The following XPR1 variants were observed in gnomAD, a reference collection of about 807,000 sequenced individuals.
The protein encoded by XPR1 is solute carrier family 53 member 1.
Under a neutral mutation model 87.5 loss-of-function variants are expected in XPR1, and 28 were observed. The ratio of observed to expected loss-of-function variants is 0.32; its 90% CI spans 0.24 to 0.44. The LOEUF (loss-of-function observed/expected upper bound fraction) is 0.44. Ranked by LOEUF, XPR1 falls within the 20% of genes least tolerant of loss-of-function variation. The probability of loss-of-function intolerance (pLI) is 1.00; values close to 1 mark genes in which losing one functional copy is unlikely to be tolerated. For missense variants in XPR1, 559 were observed against 862.3 expected (o/e 0.65, Z 4.41); for synonymous variants, 300 against 306.1 (o/e 0.98, Z 0.21).
At chr1:180,801,305 G>A (rs935593701) in intron 3 of XPR1, among the ~76,000 whole-genome samples, 1 of 152,212 alleles carries the variant, frequency 6.6e-6, no homozygotes, top group Non-Finnish European at 1.5e-5. Flanking sequence ...AATGAAGGGA[G>A]TATTTTCTGG....
chr1:180,850,105 T>G (rs987924383), intron 11 of XPR1, among the ~76,000 whole-genome samples: 2 of 152,230 alleles, frequency 1.3e-5, no homozygotes, highest in Admixed American at 6.5e-5. Context: ...GTACTGACTT[T>G]GATTTTTTGG....
At chr1:180,745,496 A>G (rs1262881777) in intron 2 of XPR1, among the ~76,000 whole-genome samples, 1 of 152,186 alleles carries the variant, frequency 6.6e-6, no homozygotes, top group Non-Finnish European at 1.5e-5. Flanking sequence ...TCAGTGTTTT[A>G]GGCTCTTCCA....
At chr1:180,659,071 TCTTC>T (rs1195804590) in intron 1 of XPR1, among the ~76,000 whole-genome samples, 47 of 151,662 alleles carry the variant, frequency 3.1e-4, no homozygotes, top group South Asian at 8.3e-4. Flanking sequence ...CTGTAGCCAG[TCTTC>T]CTTCCTTCCT....
chr1:180,675,195 C>T (rs1431737365), intron 1 of XPR1, among the ~76,000 whole-genome samples: 1 of 152,136 alleles, frequency 6.6e-6, no homozygotes, highest in Non-Finnish European at 1.5e-5. Flanking sequence ...AGTCTGTGGT[C>T]TGTGTCTTTC....
Position 180,686,719 on chromosome 1 carries a change from C to T in XPR1, c.121+4308C>T, listed in dbSNP as rs551748185. 2.4e-4 allele frequency among the ~76,000 whole-genome samples: 36 copies of T among 152,114 alleles called. No homozygotes were observed. In the East Asian group the frequency reaches 4.6e-3, roughly 20 times the overall value. On this transcript the variant is annotated intron_variant, in intron 2 of 14. Transcript: ENST00000367590. ...ACAGAATAATACCTTTATAAGACACCAAATTCTATGAAGTTATTCTAGTGA... is the reference window on the plus strand; with the variant it reads ...ACAGAATAATACCTTTATAAGACACTAAATTCTATGAAGTTATTCTAGTGA...
Position 180,889,935 on chromosome 1 carries a change from T to A in XPR1, c.*5869T>A, listed in dbSNP as rs1445469814. The A allele has an allele frequency of 1.3e-5, 2 of 152,150 alleles. No homozygotes were observed. The highest frequency in any genetic ancestry group is 2.9e-5 in the Non-Finnish European group (2 of 68,036). 9.4% of individuals were successfully genotyped at this position (152,150 alleles called of 1,614,324 possible). On this transcript the variant is annotated 3_prime_UTR_variant, in exon 15 of 15. Coordinates refer to ENST00000367590, the MANE Select transcript of XPR1 (RefSeq NM_004736.4). ...TCCTTCCCTCTTTTTTCTCCCTCAC[T>A]CTCTTTCTCAGTCTCCACTCTGGTA...
intron 3 of XPR1, among the ~76,000 whole-genome samples, chr1:180,795,332 G>T (rs1390353473): frequency 6.6e-6 from 1 of 152,060 alleles, no homozygotes; most frequent in Non-Finnish European, 1.5e-5. Context: ...GGATACATAG[G>T]TGCTTTGAAA....
chr1:180,851,196 A>G (rs1015353025), intron 11 of XPR1, among the ~76,000 whole-genome samples: 1 of 152,194 alleles, frequency 6.6e-6, no homozygotes, highest in African/African-American at 2.4e-5. Context: ...TAACTCATGA[A>G]TTAAAGAGGA....
rs556861070 is a variant in XPR1, at chr1:180,665,104, G to T, written c.70-17256G>T. Among the ~76,000 whole-genome samples, 4 of 152,308 alleles carry T rather than the reference G, an allele frequency of 2.6e-5. No homozygotes were observed. In the South Asian group the frequency reaches 8.3e-4, roughly 32 times the overall value. Reference sequence around the variant, plus strand: ...AATTGACTCACAGTTTCCCATTGCTGAGGAGGTCTTAGGAATCTTACAATT... The same window carrying T: ...AATTGACTCACAGTTTCCCATTGCTTAGGAGGTCTTAGGAATCTTACAATT... On this transcript the variant is annotated intron_variant, in intron 1 of 14. Coordinates refer to ENST00000367590, the MANE Select transcript of XPR1 (RefSeq NM_004736.4).
At chr1:180,768,369 T>C (rs973407815) in intron 2 of XPR1, among the ~76,000 whole-genome samples, 10 of 152,352 alleles carry the variant, frequency 6.6e-5, no homozygotes, top group African/African-American at 2.2e-4. Context: ...TCAGAATTGA[T>C]GCTTCTGTAG....
intron 2 of XPR1, among the ~76,000 whole-genome samples, chr1:180,771,881 T>C (rs1382777384): frequency 6.6e-6 from 1 of 152,216 alleles, no homozygotes; most frequent in Admixed American, 6.5e-5. Context: ...AGTTTCTCCA[T>C]GGTAAAGTTA....
At chr1:180,633,977 C>T (rs1271400309) in intron 1 of XPR1, among the ~76,000 whole-genome samples, 3 of 152,118 alleles carry the variant, frequency 2.0e-5, no homozygotes, top group Non-Finnish European at 4.4e-5. Context: ...TTAGGTATTT[C>T]GACACTTAAC....
At chr1:180,883,017 C>T (rs964596274) in intron 14 of XPR1, among the ~76,000 whole-genome samples, 3 of 150,958 alleles carry the variant, frequency 2.0e-5, no homozygotes, top group Non-Finnish European at 1.5e-5. Flanking sequence ...GGCTGGAGTG[C>T]AGTGGTGTGA....
chr1:180,775,243 TAAG>T (rs1648667794), intron 2 of XPR1, among the ~76,000 whole-genome samples: 1 of 152,144 alleles, frequency 6.6e-6, no homozygotes, highest in South Asian at 2.1e-4. Flanking sequence ...CCAGAGTAGT[TAAG>T]ACTCTTATGG....
intron 1 of XPR1, among the ~76,000 whole-genome samples, chr1:180,661,781 A>T (rs948655401): frequency 2.0e-5 from 3 of 152,132 alleles, no homozygotes; most frequent in Non-Finnish European, 4.4e-5. Flanking sequence ...AGGCTGCGGC[A>T]GGAGAATCGC....
chr1:180,648,041 A>G (rs1655179135), intron 1 of XPR1, among the ~76,000 whole-genome samples: 1 of 152,104 alleles, frequency 6.6e-6, no homozygotes, highest in Non-Finnish European at 1.5e-5. Context: ...TTGGTTAGAT[A>G]GACCAAGGAC....
At chr1:180,748,731 T>C (rs1271024966) in intron 2 of XPR1, among the ~76,000 whole-genome samples, 3 of 152,164 alleles carry the variant, frequency 2.0e-5, no homozygotes, top group East Asian at 1.9e-4. Flanking sequence ...ATGTCTGTTA[T>C]ATCTGTATGG....
intron 2 of XPR1, among the ~76,000 whole-genome samples, chr1:180,752,691 G>A (rs1647581452): frequency 6.6e-6 from 1 of 151,972 alleles, no homozygotes; most frequent in South Asian, 2.1e-4. Flanking sequence ...AGATCCCAGA[G>A]GAAGAATGCT....
intron 9 of XPR1, among the ~76,000 whole-genome samples, chr1:180,832,313 CAA>C (rs1651094662): frequency 6.6e-6 from 1 of 152,052 alleles, no homozygotes; most frequent in Non-Finnish European, 1.5e-5. Context: ...GGATAGATTG[CAA>C]AAGTTTTCTC....
Sources: allele counts gnomAD v4.1 joint callset (sites outside exome capture counted in the v4.1 genomes callset), GRCh38; gene constraint gnomAD v4.1.1; transcripts MANE v1.5; gene names NCBI Gene and HGNC (gene_info 2026-07-23, HGNC 2026-07-21).